The following ITPK1 variants were observed in gnomAD, a reference collection of about 807,000 sequenced individuals.
The protein encoded by ITPK1 is inositol-tetrakisphosphate 1-kinase, also known as inositol 1,3,4-trisphosphate 5/6-kinase.
In ITPK1, 21 loss-of-function variants were observed where a neutral mutation model predicts 45.3. The observed-to-expected ratio is 0.46, with a 90% CI of 0.33 to 0.67. The LOEUF (loss-of-function observed/expected upper bound fraction) is 0.67, where lower values mean the gene tolerates loss of function less well. ITPK1 is among the 30% of genes least tolerant of loss of function. ITPK1 has a pLI of 0.02. For missense variants in ITPK1, 474 were observed against 573.5 expected (o/e 0.83, Z 1.77); for synonymous variants, 258 against 253.6 (o/e 1.02, Z -0.16).
rs184016997 is a variant in ITPK1 at position 92,941,764 on chromosome 14, C to T, written c.1042G>A (p.Gly348Ser). The change falls in exon 11 of 11, where the codon GGC (glycine) becomes AGC (serine). Residue 348 changes from glycine to serine, a missense_variant. By Grantham distance (56) the Gly-to-Ser change is moderately conservative. This residue lies in a region of ITPK1 where 367 missense variants were observed against 480.6 expected (regional missense o/e 0.76). Transcript: ENST00000267615. The stretch of plus-strand genomic sequence containing the variant: ...CTGCATGTCCGCTCGCCCACCAGGC[C>T]GCCCGCCGGCTCGGCCAGAAGCTTG... ...HSKLLAEPAG[G>S]LVGERTCSAS... The T allele has an allele frequency of 8.9e-5, 143 of 1,605,222 alleles. No individual in the cohort carries two copies. The highest frequency in any genetic ancestry group is 7.4e-4 in the East Asian group (33 of 44,632).
intron 3 of ITPK1, chr14:93,069,029 G>C (rs1890877682): frequency 6.6e-6 from 1 of 152,316 alleles, no homozygotes; most frequent in Non-Finnish European, 1.5e-5. Context: ...AGGAGTCTGG[G>C]GACTGATCCT....
At chr14:92,957,180 A>G (rs1363936809) in intron 8 of ITPK1, among the ~76,000 whole-genome samples, 2 of 152,268 alleles carry the variant, frequency 1.3e-5, no homozygotes, top group East Asian at 3.8e-4. Context: ...TGCCAAGAGG[A>G]CACATCTGTT....
At chr14:93,092,214 T>C (rs1891892428) in intron 2 of ITPK1, among the ~76,000 whole-genome samples, 1 of 152,088 alleles carries the variant, frequency 6.6e-6, no homozygotes, top group South Asian at 2.1e-4. Context: ...ATTCGCAGCC[T>C]CCACCAGCAC....
Position 93,076,981 on chromosome 14 carries a change from C to A in ITPK1, c.96-362G>T, listed in dbSNP as rs1395896229. On this transcript the variant is annotated intron_variant, in intron 2 of 10. Transcript: ENST00000267615. This position sits in a 1 kb window ranked among gnomAD's most constrained non-coding sequence, Gnocchi z 4.3. ...CCATCCTCACCACCTGCCGTCCCTG[C>A]CGAGCTCAACCCCCATAGGTCCCCA... is the stretch of plus-strand genomic sequence containing the variant. Among the ~76,000 whole-genome samples, 1 of 152,164 alleles carries A rather than the reference C, an allele frequency of 6.6e-6. No homozygotes were observed. The highest frequency in any genetic ancestry group is 1.5e-5 in the Non-Finnish European group (1 of 68,034).
chr14:93,082,413 AG>A (rs1361728910), intron 2 of ITPK1, among the ~76,000 whole-genome samples: 2 of 152,164 alleles, frequency 1.3e-5, no homozygotes, highest in Admixed American at 1.3e-4. Flanking sequence ...GAGGTGGGTG[AG>A]CCCCTGAGAG....
At chr14:93,105,024 C>A (rs532458308) in intron 2 of ITPK1, among the ~76,000 whole-genome samples, 1 of 152,208 alleles carries the variant, frequency 6.6e-6, no homozygotes, top group South Asian at 2.1e-4. Flanking sequence ...TCCGGGCAAA[C>A]CAGCAGCCAG....
intron 10 of ITPK1, among the ~76,000 whole-genome samples, chr14:92,944,863 G>C (rs1887605750): frequency 6.6e-6 from 1 of 152,114 alleles, no homozygotes; most frequent in South Asian, 2.1e-4. Flanking sequence ...TCGTCGCACG[G>C]GTCTGCCCTT....
Position 92,996,422 on chromosome 14 carries a change from G to A in ITPK1, c.247-2425C>T, listed in dbSNP as rs555410960. Among the ~76,000 whole-genome samples, 7 of 143,398 alleles carry A rather than the reference G, an allele frequency of 4.9e-5. No homozygotes were observed. The South Asian group carries it at 7.5e-4, about 15-fold the overall frequency. The allele number at this position is 143,398 out of a possible 152,430, so 94.1% of individuals were successfully genotyped here. A position where few individuals can be genotyped will look rare whatever the true frequency, so the allele number is the denominator to read the frequency against. On this transcript the variant is annotated intron_variant, in intron 4 of 10. Coordinates refer to ENST00000267615, the MANE Select transcript of ITPK1 (RefSeq NM_014216.6). ...CACAGGGTGGGGAATATCACACACC[G>A]GGGCCTGTCGCGGGGTGGGGGGAGG...
chr14:92,938,741 A>T lies in ITPK1; in HGVS notation c.*2820T>A, dbSNP rs903304634. 1 of 597,334 alleles carries T rather than the reference A, an allele frequency of 1.7e-6. No individual in the cohort carries two copies. Among genetic ancestry groups the T allele is most frequent in the African/African-American group, 1.9e-5 (1 of 53,690 alleles). The allele number at this position is 597,334 out of a possible 1,614,324, so 37.0% of individuals were successfully genotyped here. A position where few individuals can be genotyped will look rare whatever the true frequency, so the allele number is the denominator to read the frequency against. Reference sequence around the variant, plus strand: ...ACACCAAGGGCAAAGCACCAGTTCCAGGGTGGCCTCCCCTTGGCTCTTGGG... The same window carrying T: ...ACACCAAGGGCAAAGCACCAGTTCCTGGGTGGCCTCCCCTTGGCTCTTGGG... On this transcript the variant is annotated 3_prime_UTR_variant, in exon 11 of 11. Transcript: ENST00000267615.
rs1182971139 is a variant in ITPK1 at position 92,941,619 on chromosome 14, G to A, written c.1187C>T (p.Ser396Leu). The change falls in exon 11 of 11, where the codon TCG becomes TTG. Residue 396 changes from serine (S) to leucine (L), a missense_variant. Physicochemically the swap from Ser to Leu is moderately radical, Grantham distance 145. This residue lies in a region of ITPK1 where 107 missense variants were observed against 92.9 expected (regional missense o/e 1.15). Coordinates refer to ENST00000267615, the MANE Select transcript of ITPK1 (RefSeq NM_014216.6). ...CACACAATGCTGCTGGAAGCTGGGC[G>A]ACACGCCGGCGTTGCAGCCGAGTCT... ...HQRLGCNAGVSPSFQQHCVAS... is the reference protein window; with the variant it reads ...HQRLGCNAGVLPSFQQHCVAS... 4.6e-6 allele frequency: 7 copies of A among 1,537,968 alleles called. No individual in the cohort carries two copies. The highest frequency in any genetic ancestry group is 2.5e-5 in the East Asian group (1 of 40,752).
At chr14:93,109,051 G>A (rs1457789778) in intron 2 of ITPK1, among the ~76,000 whole-genome samples, 1 of 152,150 alleles carries the variant, frequency 6.6e-6, no homozygotes, top group Non-Finnish European at 1.5e-5. Flanking sequence ...TAAAATGCCT[G>A]TGCCCTCTGA....
rs1884897576 is a variant in ITPK1, at chr14:92,958,891, C to T, written c.505-525G>A. Among the ~76,000 whole-genome samples the T allele has an allele frequency of 1.3e-5, 2 of 152,156 alleles. No individual in the cohort carries two copies. Among genetic ancestry groups the T allele is most frequent in the Admixed American group, 1.3e-4 (2 of 15,272 alleles). On this transcript the variant is annotated intron_variant, in intron 7 of 10. Transcript: ENST00000267615. This position sits in a 1 kb window ranked among gnomAD's most constrained non-coding sequence, Gnocchi z 4.4. ...ACGTACACCAGTTACCTAGTGTCTC[C>T]CTCACAATGCACATCTGAGGTGAGC...
At position 92,946,405 on chromosome 14, in the gene ITPK1, G is replaced by C; in HGVS notation, c.827C>G (p.Ser276Ter). ...GATGATGATGTCGATGCCGAAGAGT[G>C]ACACGCCCAGTGCCTGCCGCAGGGC... is the stretch of plus-strand genomic sequence containing the variant. The part of the protein sequence containing the change: ...SRALRQALGV[S>*]LFGIDIIINN... The change falls in exon 10 of 11, where the codon TCA becomes TGA. Residue 276 changes from serine to a stop codon, truncating the protein, a stop_gained. Transcript: ENST00000267615. LOFTEE classifies it high-confidence loss of function. 1 of 1,613,344 alleles carries C rather than the reference G, an allele frequency of 6.2e-7. No homozygotes were observed.
Position 92,984,565 on chromosome 14 carries a change from A to G in ITPK1, c.364+9315T>C, listed in dbSNP as rs533062156. ...TGAAATTCAACACTGCCCCCAGACT[A>G]AAGATTCATATTAACACATTACTAA... is the stretch of plus-strand genomic sequence containing the variant. On this transcript the variant is annotated intron_variant, in intron 5 of 10. Coordinates refer to ENST00000267615, the MANE Select transcript of ITPK1 (RefSeq NM_014216.6). Among the ~76,000 whole-genome samples the G allele has an allele frequency of 3.3e-5, 5 of 152,310 alleles. No individual in the cohort carries two copies. In the East Asian group the frequency reaches 9.7e-4, roughly 29 times the overall value.
chr14:93,088,400 C>T lies in ITPK1; in HGVS notation c.96-11781G>A, dbSNP rs533940937. Among the ~76,000 whole-genome samples, 9 of 143,414 alleles carry T rather than the reference C, an allele frequency of 6.3e-5. No homozygotes were observed. The East Asian group carries it at 1.9e-3, about 30-fold the overall frequency. 94.1% of individuals were successfully genotyped at this position (143,414 alleles called of 152,430 possible). On this transcript the variant is annotated intron_variant, in intron 2 of 10. Coordinates refer to ENST00000267615, the MANE Select transcript of ITPK1 (RefSeq NM_014216.6). ...TGTCACCCAGGCTAGAGTGCAGTGA[C>T]ACGATTTCGGCTCATTGCAGCCTTG...
Position 93,016,830 on chromosome 14 carries a change from A to T in ITPK1, c.121-29T>A. On this transcript the variant is annotated intron_variant, in intron 3 of 10. Coordinates refer to ENST00000267615, the MANE Select transcript of ITPK1 (RefSeq NM_014216.6). This position sits in a 1 kb window ranked among gnomAD's most constrained non-coding sequence, Gnocchi z 5.0. ...TGAGGCAGGGAACACAGACAAAAGC[A>T]ACAACTTCAGCACCTGAGTCCACTG... 1 of 1,612,076 alleles carries T rather than the reference A, an allele frequency of 6.2e-7. No individual in the cohort carries two copies. Among genetic ancestry groups the T allele is most frequent in the Non-Finnish European group, 8.5e-7 (1 of 1,178,756 alleles).
intron 7 of ITPK1, among the ~76,000 whole-genome samples, chr14:92,960,648 T>C (rs1295056865): frequency 6.6e-6 from 1 of 152,230 alleles, no homozygotes; most frequent in Admixed American, 6.5e-5. Flanking sequence ...TAGGCGGATC[T>C]ACTCACGTTA....
chr14:93,072,986 G>A (rs142037605), intron 3 of ITPK1, among the ~76,000 whole-genome samples: 96 of 152,358 alleles, frequency 6.3e-4, no homozygotes, highest in Non-Finnish European at 1.2e-3. Context: ...GGATGACAAT[G>A]ACTGGCCACT....
At chr14:92,965,978 G>A (rs1885332754) in intron 5 of ITPK1, among the ~76,000 whole-genome samples, 1 of 152,178 alleles carries the variant, frequency 6.6e-6, no homozygotes, top group Non-Finnish European at 1.5e-5. Flanking sequence ...ATTCCAGCCT[G>A]GGCAACAAGA....
Sources: allele counts gnomAD v4.1 joint callset (sites outside exome capture counted in the v4.1 genomes callset), GRCh38; gene constraint gnomAD v4.1.1; regional missense constraint gnomAD v4.1.1; non-coding constraint Gnocchi (gnomAD v3.1); transcripts MANE v1.5; gene names NCBI Gene and HGNC (gene_info 2026-07-23, HGNC 2026-07-21).